EPM2A: variants seen among roughly 807,000 people sequenced by gnomAD.
EPM2A encodes laforin.
A neutral mutation model predicts 26.5 loss-of-function variants in EPM2A; 21 were observed. The ratio of observed to expected loss-of-function variants is 0.79; its 90% CI spans 0.56 to 1.14. The LOEUF (loss-of-function observed/expected upper bound fraction) is 1.14, where lower values mean the gene tolerates loss of function less well. Among genes scored for constraint, EPM2A ranks in the 50% most tolerant of loss-of-function variants. The probability of loss-of-function intolerance (pLI) is 0.00; values close to 1 mark genes in which losing one functional copy is unlikely to be tolerated. For synonymous variants in EPM2A, 217 were observed against 177.6 expected, an observed-to-expected ratio of 1.22 and a Z score of -1.76; for missense variants, 458 against 440.8, an observed-to-expected ratio of 1.04 and a Z score of -0.35.
At chr6:145,642,363 G>A (rs566703951) in intron 2 of EPM2A, among the ~76,000 whole-genome samples, 1 of 152,138 alleles carries the variant, frequency 6.6e-6, no homozygotes, top group South Asian at 2.1e-4. Context: ...AAGCACAAAA[G>A]ACCAAGGAAT....
intron 4 of EPM2A, among the ~76,000 whole-genome samples, chr6:145,411,907 T>C (rs1778647774): frequency 6.6e-6 from 1 of 152,132 alleles, no homozygotes; most frequent in Non-Finnish European, 1.5e-5. Flanking sequence ...CCTTTGCAGG[T>C]ACAGACTTGA....
intron 4 of EPM2A, among the ~76,000 whole-genome samples, chr6:145,393,798 G>A (rs1562318299): frequency 6.6e-6 from 1 of 151,562 alleles, no homozygotes; most frequent in African/African-American, 2.4e-5. Context: ...AATGGTCAGG[G>A]TCACTAATCA....
intron 2 of EPM2A, among the ~76,000 whole-genome samples, chr6:145,506,929 A>G (rs1018051810): frequency 3.3e-5 from 5 of 152,204 alleles, no homozygotes; most frequent in African/African-American, 1.2e-4. Flanking sequence ...CTTGCTGTGA[A>G]CACCATGGAG....
chr6:145,386,593 CT>C (rs1416822396), intron 4 of EPM2A, among the ~76,000 whole-genome samples: 1 of 152,086 alleles, frequency 6.6e-6, no homozygotes, highest in Non-Finnish European at 1.5e-5. Flanking sequence ...GTTCTTCACA[CT>C]TAATAACTGT....
intron 2 of EPM2A, chr6:145,682,692 A>G (rs1383784146): frequency 6.6e-6 from 1 of 152,192 alleles, no homozygotes; most frequent in Non-Finnish European, 1.5e-5. Context: ...TTCTTACTGA[A>G]TAAATGAAGT....
At chr6:145,561,206 T>A (rs565035387) in intron 2 of EPM2A, among the ~76,000 whole-genome samples, 1 of 151,894 alleles carries the variant, frequency 6.6e-6, no homozygotes, top group Non-Finnish European at 1.5e-5. Flanking sequence ...CAAATACCAA[T>A]TGTGTTTAAA....
intron 2 of EPM2A, among the ~76,000 whole-genome samples, chr6:145,521,691 T>C (rs1780203941): frequency 6.6e-6 from 1 of 152,140 alleles, no homozygotes; most frequent in South Asian, 2.1e-4. Flanking sequence ...AACTCTAGAT[T>C]GTTGGTCCCA....
intron 4 of EPM2A, among the ~76,000 whole-genome samples, chr6:145,399,235 A>C (rs1778449394): frequency 6.6e-6 from 1 of 152,122 alleles, no homozygotes; most frequent in South Asian, 2.1e-4. Flanking sequence ...TTAGTTCATC[A>C]ATAAACATAA....
rs149391828 is a variant in EPM2A, at chr6:145,575,992, C to T, written c.340+59253G>A. On this transcript the variant is annotated intron_variant, in intron 2 of 3. Coordinates refer to the EPM2A transcript ENST00000450221. ...CTGGGACCACAGGCATGTGCCACCA[C>T]GCCTGGCTAATTTTTGTACTTTCAG... Among the ~76,000 whole-genome samples the T allele has an allele frequency of 7.2e-4, 109 of 152,298 alleles. 3 individuals carry two copies. In the East Asian group the frequency reaches 0.014, roughly 20 times the overall value.
chr6:145,515,999 A>G (rs1582816201), intron 2 of EPM2A, among the ~76,000 whole-genome samples: 1 of 152,228 alleles, frequency 6.6e-6, no homozygotes, highest in African/African-American at 2.4e-5. Flanking sequence ...ATACTCAGAC[A>G]TCAAAGGATC....
intron 1 of EPM2A, among the ~76,000 whole-genome samples, chr6:145,710,053 A>C (rs1244399695): frequency 6.6e-6 from 1 of 152,184 alleles, no homozygotes; most frequent in Non-Finnish European, 1.5e-5. Flanking sequence ...GGACATAGGC[A>C]TGGGCAAGGA....
chr6:145,497,195 G>T (rs1168523607), downstream of EPM2A, among the ~76,000 whole-genome samples: 4 of 152,174 alleles, frequency 2.6e-5, no homozygotes, highest in Admixed American at 1.3e-4. Context: ...TTGCATATTT[G>T]TGGGCTTATC....
At chr6:145,671,810 G>A (rs1325035775) in intron 2 of EPM2A, among the ~76,000 whole-genome samples, 3 of 152,118 alleles carry the variant, frequency 2.0e-5, no homozygotes, top group African/African-American at 7.2e-5. Context: ...ATTTCTTTCT[G>A]AGCCAAAGAA....
intron 4 of EPM2A, among the ~76,000 whole-genome samples, chr6:145,463,082 T>A (rs1196212395): frequency 6.6e-6 from 1 of 152,316 alleles, no homozygotes; most frequent in East Asian, 1.9e-4. Context: ...ATAGTCCAAT[T>A]TCACTTTAGG....
chr6:145,653,205 T>G (rs1778012814), intron 2 of EPM2A, among the ~76,000 whole-genome samples: 1 of 152,194 alleles, frequency 6.6e-6, no homozygotes, highest in Non-Finnish European at 1.5e-5. Flanking sequence ...AATCCCCACG[T>G]ATTGATGGAG....
chr6:145,397,286 A>T (rs1778418173), intron 4 of EPM2A, among the ~76,000 whole-genome samples: 1 of 152,046 alleles, frequency 6.6e-6, no homozygotes, highest in African/African-American at 2.4e-5. Context: ...AAAAAAATTT[A>T]AAAAGTTAGC....
At chr6:145,386,752 A>T (rs1167763493) in intron 4 of EPM2A, among the ~76,000 whole-genome samples, 1 of 152,134 alleles carries the variant, frequency 6.6e-6, no homozygotes, top group Non-Finnish European at 1.5e-5. Flanking sequence ...TTAGAGAGAG[A>T]TGAAAAAATG....
intron 4 of EPM2A, among the ~76,000 whole-genome samples, chr6:145,406,205 T>C (rs1778567341): frequency 6.6e-6 from 1 of 152,190 alleles, no homozygotes; most frequent in Admixed American, 6.6e-5. Context: ...TTCTTTTTAA[T>C]CTGATTAGTT....
chr6:145,527,890 C>CA (rs538519820), intron 2 of EPM2A, among the ~76,000 whole-genome samples: 23 of 145,340 alleles, frequency 1.6e-4, no homozygotes, highest in African/African-American at 4.3e-4. Context: ...GTTGTGAATG[C>CA]AAAAAAAAAG....
Sources: gnomAD v4.1 joint callset for allele counts (sites outside exome capture counted in the v4.1 genomes callset) on GRCh38, gnomAD v4.1.1 for gene constraint, MANE v1.5 for transcripts, NCBI Gene and HGNC (gene_info 2026-07-23, HGNC 2026-07-21) for gene names.